The following SLC4A4 variants were observed in gnomAD, a reference collection of about 807,000 sequenced individuals.
SLC4A4 encodes electrogenic sodium bicarbonate cotransporter 1.
A neutral mutation model predicts 111.5 loss-of-function variants in SLC4A4; 27 were observed. That is an observed-to-expected ratio of 0.24 (90% CI 0.18 to 0.33). The LOEUF is 0.33. SLC4A4 is among the 10% of genes least tolerant of loss of function. The probability of loss-of-function intolerance (pLI) is 1.00; values close to 1 mark genes in which losing one functional copy is unlikely to be tolerated. For missense variants in SLC4A4, 909 were observed against 1,315.5 expected (o/e 0.69, Z 4.78); for synonymous variants, 443 against 463.4 (o/e 0.96, Z 0.57).
At position 71,532,293 on chromosome 4, in the gene SLC4A4, C is replaced by T. The variant is rs1734003493; in HGVS notation, c.2280+118C>T. On this transcript the variant is annotated intron_variant, in intron 17 of 25. Coordinates refer to ENST00000264485, the MANE Select transcript of SLC4A4 (RefSeq NM_001098484.3). ...TGTACAATTATCCATATTTTTTTTC[C>T]AAAATCAGTCCCTCTTAGGCTCATA... 18 of 730,748 alleles carry T rather than the reference C, an allele frequency of 2.5e-5. No homozygotes were observed. In the South Asian group the frequency reaches 2.7e-4, roughly 11 times the overall value. 45.3% of individuals were successfully genotyped at this position (730,748 alleles called of 1,614,324 possible).
intron 3 of SLC4A4, among the ~76,000 whole-genome samples, chr4:71,325,354 T>G (rs1727425576): frequency 6.6e-6 from 1 of 152,014 alleles, no homozygotes. Flanking sequence ...TCAGGACTGT[T>G]GGTTGCAAAT....
At chr4:71,371,245 C>CTTTTTT (rs71213506) in intron 6 of SLC4A4, among the ~76,000 whole-genome samples, 3 of 120,046 alleles carry the variant, frequency 2.5e-5, no homozygotes, top group African/African-American at 6.3e-5. Context: ...CCAGGAATGC[C>CTTTTTT]TTTTTTTTTT....
chr4:71,343,824 C>T (rs145038424), intron 4 of SLC4A4, among the ~76,000 whole-genome samples: 230 of 152,206 alleles, frequency 1.5e-3, no homozygotes, highest in Non-Finnish European at 2.5e-3. Context: ...ATTTCCTCTG[C>T]TTCACTCTGC....
chr4:71,113,556 A>G (rs1743155112), intron 2 of SLC4A4, among the ~76,000 whole-genome samples: 1 of 152,196 alleles, frequency 6.6e-6, no homozygotes, highest in South Asian at 2.1e-4. Context: ...CATTCTGCCC[A>G]GCTCCCCTGT....
At chr4:71,187,626 G>A (rs1469830909) in intron 1 of SLC4A4, among the ~76,000 whole-genome samples, 1 of 152,186 alleles carries the variant, frequency 6.6e-6, no homozygotes, top group Non-Finnish European at 1.5e-5. Context: ...TCCTTCTTAG[G>A]GTTTAGAGGA....
At chr4:71,208,482 G>T (rs954882263) in intron 1 of SLC4A4, among the ~76,000 whole-genome samples, 1 of 150,020 alleles carries the variant, frequency 6.7e-6, no homozygotes, top group African/African-American at 2.4e-5. Flanking sequence ...ACTATTACAG[G>T]TATCCAGATA....
At chr4:71,091,305 T>G (rs1355037357) in intron 1 of SLC4A4, among the ~76,000 whole-genome samples, 2 of 147,964 alleles carry the variant, frequency 1.4e-5, no homozygotes, top group African/African-American at 5.0e-5. Context: ...CGGGCTGGAG[T>G]GCAGTGGCAT....
intron 2 of SLC4A4, among the ~76,000 whole-genome samples, chr4:71,172,025 C>T (rs1744957140): frequency 6.6e-6 from 1 of 152,066 alleles, no homozygotes; most frequent in South Asian, 2.1e-4. Context: ...TTTTAAATAA[C>T]TTCCCTGGAC....
chr4:71,117,996 C>T (rs1163097388), intron 2 of SLC4A4, among the ~76,000 whole-genome samples: 2 of 151,920 alleles, frequency 1.3e-5, no homozygotes, highest in African/African-American at 4.8e-5. Context: ...CCTGCCTCAG[C>T]CTCCCAAGTA....
chr4:71,089,578 G>T (rs191968164), intron 1 of SLC4A4, among the ~76,000 whole-genome samples: 1 of 151,984 alleles, frequency 6.6e-6, no homozygotes, highest in African/African-American at 2.4e-5. Flanking sequence ...GTGTTTTGGC[G>T]TGGATGTCCT....
chr4:71,509,452 A>G (rs1470442676), intron 16 of SLC4A4, among the ~76,000 whole-genome samples: 1 of 151,538 alleles, frequency 6.6e-6, no homozygotes, highest in African/African-American at 2.4e-5. Context: ...CATTTGGTAT[A>G]GTATATTGGC....
At chr4:71,414,590 G>GT (rs1288694427) in intron 7 of SLC4A4, among the ~76,000 whole-genome samples, 2 of 152,160 alleles carry the variant, frequency 1.3e-5, no homozygotes, top group Non-Finnish European at 2.9e-5. Flanking sequence ...AGAAGTCTAT[G>GT]TTTTTTATTA....
At position 71,502,997 on chromosome 4, in the gene SLC4A4, T is replaced by C. The variant is rs773487292; in HGVS notation, c.2166+5305T>C. 1.5e-3 allele frequency among the ~76,000 whole-genome samples: 224 copies of C among 152,296 alleles called. 1 individual carries two copies. The highest frequency in any genetic ancestry group is 2.5e-3 in the Non-Finnish European group (171 of 68,004). On this transcript the variant is annotated intron_variant, in intron 16 of 25. Transcript: ENST00000264485. ...ATAGAATAATAATATTTGCTTTATA[T>C]GTTTGGGTACTCTGTGATTAGGTGC...
intron 6 of SLC4A4, among the ~76,000 whole-genome samples, chr4:71,384,126 T>C (rs978942181): frequency 3.3e-5 from 5 of 152,170 alleles, no homozygotes; most frequent in African/African-American, 1.2e-4. Flanking sequence ...AACAGAATTT[T>C]CCAGAGTAAC....
intron 14 of SLC4A4, among the ~76,000 whole-genome samples, chr4:71,484,405 T>G (rs1287517053): frequency 6.6e-6 from 1 of 151,896 alleles, no homozygotes; most frequent in Non-Finnish European, 1.5e-5. Flanking sequence ...CAGCCAGTTA[T>G]CCCAGTACTA....
rs1368919233 is a variant in SLC4A4, at chr4:71,230,886, C to T, written c.-1-5690C>T. The stretch of plus-strand genomic sequence containing the variant: ...CTGAGCTCAGTACCGCAGTCGCTTT[C>T]ATCCTACAGTTTACAAAGTAGCTGC... On this transcript the variant is annotated intron_variant, in intron 1 of 25. Transcript: ENST00000264485. Among the ~76,000 whole-genome samples the T allele has an allele frequency of 3.9e-5, 6 of 152,290 alleles. No individual in the cohort carries two copies. In the East Asian group the frequency reaches 1.2e-3, roughly 29 times the overall value.
At chr4:71,406,600 G>A (rs1720872366) in intron 7 of SLC4A4, among the ~76,000 whole-genome samples, 1 of 151,302 alleles carries the variant, frequency 6.6e-6, no homozygotes, top group South Asian at 2.1e-4. Context: ...CCACCAATGG[G>A]CTGGTTTTAC....
intron 4 of SLC4A4, among the ~76,000 whole-genome samples, chr4:71,346,590 T>TA (rs1729353137): frequency 1.3e-5 from 2 of 152,098 alleles, no homozygotes; most frequent in African/African-American, 4.8e-5. Context: ...GGCACTTGAA[T>TA]AGGGTGAACT....
intron 2 of SLC4A4, among the ~76,000 whole-genome samples, chr4:71,145,935 G>T (rs1251605629): frequency 7.2e-5 from 11 of 152,026 alleles, no homozygotes. Context: ...GGTTTTTTGT[G>T]TCTCTATTTC....
Sources: allele counts gnomAD v4.1 joint callset (sites outside exome capture counted in the v4.1 genomes callset), GRCh38; gene constraint gnomAD v4.1.1; transcripts MANE v1.5; gene names NCBI Gene and HGNC (gene_info 2026-07-23, HGNC 2026-07-21).